The following WDR59 variants were observed in gnomAD, a reference collection of about 807,000 sequenced individuals.
WDR59 encodes the protein GATOR2 complex protein WDR59.
Under a neutral mutation model 131.2 loss-of-function variants are expected in WDR59, and 100 were observed. The ratio of observed to expected loss-of-function variants is 0.76; its 90% CI spans 0.65 to 0.90. The LOEUF (loss-of-function observed/expected upper bound fraction) is 0.90, where lower values mean the gene tolerates loss of function less well. Among genes scored for constraint, WDR59 ranks in the 40% least tolerant of loss-of-function variants. The pLI, the probability that WDR59 is intolerant of heterozygous loss-of-function variation, is 0.00. For missense variants in WDR59, 1,203 were observed against 1,262.2 expected (o/e 0.95, Z 0.71); for synonymous variants, 601 against 466.2 (o/e 1.29, Z -3.72).
chr16:74,906,771 A>T (rs1965840377), intron 17 of WDR59, among the ~76,000 whole-genome samples: 1 of 152,212 alleles, frequency 6.6e-6, no homozygotes, highest in Admixed American at 6.5e-5. Context: ...ATTCCACTTC[A>T]ATGAAGTTCA....
intron 13 of WDR59, among the ~76,000 whole-genome samples, chr16:74,915,060 A>C (rs6564182): frequency 6.6e-6 from 1 of 152,242 alleles, no homozygotes; most frequent in Non-Finnish European, 1.5e-5. Context: ...CAGGCTAAGC[A>C]AACAAAGAAG....
chr16:74,956,355 C>G, intron 3 of WDR59, 120 bp downstream of exon 3: 1 of 1,338,162 alleles, frequency 7.5e-7, no homozygotes, highest in Middle Eastern at 2.2e-4. Flanking sequence ...CAGAACCATC[C>G]AAACCTCTTT....
At chr16:74,909,014 A>G in intron 16 of WDR59, 37 bp from the exon 17 acceptor site, 1 of 1,585,196 alleles carries the variant, frequency 6.3e-7, no homozygotes, top group Non-Finnish European at 8.7e-7. Context: ...ATCAGTGTCA[A>G]CAAGCTGGCC....
chr16:74,950,274 C>T lies in WDR59; in HGVS notation c.327-476G>A, dbSNP rs1489144654. Among the ~76,000 whole-genome samples, 3 of 152,188 alleles carry T rather than the reference C, an allele frequency of 2.0e-5. No homozygotes were observed. In the South Asian group the frequency reaches 6.2e-4, roughly 32 times the overall value. On this transcript the variant is annotated intron_variant, in intron 4 of 25. Transcript: ENST00000262144. ...CCTGGGAGGCAGATGTTGCAGTGAG[C>T]TGAGATCGTGCCACTGCACTCCAGC...
chr16:74,937,700 C>T (rs1166335821), intron 8 of WDR59, among the ~76,000 whole-genome samples: 1 of 152,114 alleles, frequency 6.6e-6, no homozygotes, highest in African/African-American at 2.4e-5. Context: ...CTAGGTTTCA[C>T]CATATTGGCC....
At position 74,885,722 on chromosome 16, in the gene WDR59, C is replaced by T. The variant is rs151050615; in HGVS notation, c.2620G>A (p.Gly874Ser). ...KCYGEILYRW[G>S]LREKRAEVLK... ...ACTTCAGCTCGCTTCTCTCTCAGAC[C>T]CCAACGGTAGAGGATTTCCCCATAG... The change falls in exon 25 of 26, where the codon GGT becomes AGT. Residue 874 changes from glycine (G) to serine (S), a missense_variant. By Grantham distance (56) the Gly-to-Ser change is moderately conservative. Coordinates refer to ENST00000262144, the MANE Select transcript of WDR59 (RefSeq NM_030581.4). The T allele has an allele frequency of 6.2e-7, 1 of 1,613,902 alleles. No individual in the cohort carries two copies. The highest frequency in any genetic ancestry group is 1.3e-5 in the African/African-American group (1 of 74,842).
intron 8 of WDR59, among the ~76,000 whole-genome samples, chr16:74,927,908 C>CTTTTTTT (rs539167503): frequency 4.0e-5 from 5 of 124,488 alleles, no homozygotes; most frequent in South Asian, 2.7e-4. Context: ...TTCTTTCTTT[C>CTTTTTTT]TTTTTTTTTT....
intron 25 of WDR59, among the ~76,000 whole-genome samples, chr16:74,882,319 G>A (rs1964526113): frequency 6.6e-6 from 1 of 152,252 alleles, no homozygotes; most frequent in Non-Finnish European, 1.5e-5. Context: ...GAAAAAATAT[G>A]TTGCCCAAAT....
chr16:74,886,190 A>AAAAAAAAAAAAAAAT, intron 24 of WDR59, 80 bp downstream of exon 24: 8 of 1,448,712 alleles, frequency 5.5e-6, no homozygotes, highest in Non-Finnish European at 7.5e-6. Flanking sequence ...AAAAAAAAAA[A>AAAAAAAAAAAAAAAT]GTAAGAGTTG....
chr16:74,980,479 G>A (rs1310264695), intron 1 of WDR59, among the ~76,000 whole-genome samples: 4 of 147,716 alleles, frequency 2.7e-5, no homozygotes, highest in Non-Finnish European at 4.5e-5. Flanking sequence ...TCAGCCTCCC[G>A]AGTAGGTGGA....
intron 1 of WDR59, 113 bp downstream of exon 1, chr16:74,984,851 T>C: frequency 6.8e-7 from 1 of 1,473,876 alleles, no homozygotes; most frequent in Non-Finnish European, 9.2e-7. Flanking sequence ...GCCCACCTCC[T>C]CAGTACGGGG....
chr16:74,944,281 C>G (rs1272516525), intron 6 of WDR59, among the ~76,000 whole-genome samples: 1 of 152,004 alleles, frequency 6.6e-6, no homozygotes, highest in Non-Finnish European at 1.5e-5. Flanking sequence ...GCCTGGCAAA[C>G]ATGGCAAAAC....
Position 74,984,401 on chromosome 16 carries a change from G to A in WDR59, c.54+563C>T, listed in dbSNP as rs140156449. Among the ~76,000 whole-genome samples the A allele has an allele frequency of 3.0e-3, 453 of 152,296 alleles. 1 individual carries two copies. Among genetic ancestry groups the A allele is most frequent in the Middle Eastern group, 6.8e-3 (2 of 294 alleles). The stretch of plus-strand genomic sequence containing the variant: ...CTGACGTGTACGGAGTGATGACAGG[G>A]TAGGGGCTGCGGGATTCGAACTCGG... On this transcript the variant is annotated intron_variant, in intron 1 of 25. Transcript: ENST00000262144.
intron 21 of WDR59, among the ~76,000 whole-genome samples, chr16:74,888,728 T>C (rs901233537): frequency 6.6e-6 from 1 of 152,138 alleles, no homozygotes; most frequent in African/African-American, 2.4e-5. Context: ...GTCATTTATA[T>C]AACCTAAAGC....
At chr16:74,908,775 A>G in intron 17 of WDR59, 133 bp downstream of exon 17, 1 of 636,326 alleles carries the variant, frequency 1.6e-6, no homozygotes, top group East Asian at 2.8e-5. Context: ...TCTTTCTCAA[A>G]TAAATCTTAT....
chr16:74,959,613 TATA>T (rs1418921135), intron 2 of WDR59: 1 of 423,910 alleles, frequency 2.4e-6, no homozygotes, highest in Admixed American at 2.7e-5. Context: ...AAAAAAAAAT[TATA>T]ATAAAATAAA....
chr16:74,889,070 C>T (rs925817079), intron 21 of WDR59, among the ~76,000 whole-genome samples: 5 of 152,260 alleles, frequency 3.3e-5, no homozygotes, highest in African/African-American at 7.2e-5. Context: ...GACAAGGAAA[C>T]GGAAGCACGA....
chr16:74,885,448 CAAAAAAAAAAA>C (rs397855343), intron 25 of WDR59, among the ~76,000 whole-genome samples, 194 bp downstream of exon 25: 5 of 62,384 alleles, frequency 8.0e-5, no homozygotes, highest in African/African-American at 3.2e-4. Flanking sequence ...GATTCCATCT[CAAAAAAAAAAA>C]AAAAAAAAAA....
intron 2 of WDR59, among the ~76,000 whole-genome samples, chr16:74,958,067 T>C (rs1442448284): frequency 6.6e-6 from 1 of 152,182 alleles, no homozygotes; most frequent in Non-Finnish European, 1.5e-5. Flanking sequence ...CTAGTAGCTA[T>C]ACATGTGAGG....
Sources: allele counts gnomAD v4.1 joint callset (sites outside exome capture counted in the v4.1 genomes callset), GRCh38; gene constraint gnomAD v4.1.1; transcripts MANE v1.5; gene names NCBI Gene and HGNC (gene_info 2026-07-23, HGNC 2026-07-21).